The following FECH variants were observed in gnomAD, a reference collection of about 807,000 sequenced individuals.
FECH encodes the protein ferrochelatase.
A neutral mutation model predicts 56.9 loss-of-function variants in FECH; 40 were observed. The observed-to-expected ratio is 0.70, with a 90% CI of 0.55 to 0.92. The LOEUF is 0.92. FECH is among the 40% of genes least tolerant of loss of function. The pLI is 0.00. For synonymous variants in FECH, 175 were observed against 198.6 expected (o/e 0.88, Z 1.00); for missense variants, 431 against 529.1 (o/e 0.81, Z 1.82).
chr18:57,559,349 C>T lies in FECH; in HGVS notation c.706-106G>A, dbSNP rs567024228. ...GCCTACACCAAAAATCTCAGAGCAA[C>T]CCTCAAAAATCCGAACTCTCTTTTT... On this transcript the variant is annotated intron_variant, in intron 6 of 10. Transcript: ENST00000262093. The T allele has an allele frequency of 3.7e-6, 3 of 811,848 alleles. No individual in the cohort carries two copies. The East Asian group carries it at 8.0e-5, about 22-fold the overall frequency. 50.3% of individuals were successfully genotyped at this position (811,848 alleles called of 1,614,324 possible). A position where few individuals can be genotyped will look rare whatever the true frequency, so the allele number is the denominator to read the frequency against.
rs534323349 is a variant in FECH, at chr18:57,565,392, G to A, written c.598+1055C>T. On this transcript the variant is annotated intron_variant, in intron 5 of 10. Coordinates refer to ENST00000262093, the MANE Select transcript of FECH (RefSeq NM_000140.5). Reference sequence around the variant, plus strand: ...AGGCTGAGGTGGGTGGATCATTTGCGGCCAGGATTTTGAGACCAGCCTGGC... The same window carrying A: ...AGGCTGAGGTGGGTGGATCATTTGCAGCCAGGATTTTGAGACCAGCCTGGC... Among the ~76,000 whole-genome samples the A allele has an allele frequency of 1.8e-3, 276 of 152,158 alleles. 2 individuals are homozygous for A. Among genetic ancestry groups the A allele is most frequent in the African/African-American group, 6.3e-3 (260 of 41,512 alleles).
Position 57,563,391 on chromosome 18 carries a change from G to C in FECH, c.599-411C>G, listed in dbSNP as rs193257564. 2.6e-3 allele frequency among the ~76,000 whole-genome samples: 401 copies of C among 152,122 alleles called. 5 individuals carry two copies. Among genetic ancestry groups the C allele is most frequent in the African/African-American group, 8.9e-3 (369 of 41,510 alleles). On this transcript the variant is annotated intron_variant, in intron 5 of 10. Coordinates refer to ENST00000262093, the MANE Select transcript of FECH (RefSeq NM_000140.5). ...GAGGTTGGGAGTTTGACACCAGCCTGACCAACGTGGAGAAACCCTATCTCT... is the reference window on the plus strand; with the variant it reads ...GAGGTTGGGAGTTTGACACCAGCCTCACCAACGTGGAGAAACCCTATCTCT...
chr18:57,551,299 G>C lies in FECH; in HGVS notation c.1137+16C>G. ...TCTGGTATGTTCTACTAAAACGATT[G>C]TAACACTGTAGATACCTTAGAGAAC... On this transcript the variant is annotated intron_variant, in intron 10 of 10. Coordinates refer to ENST00000262093, the MANE Select transcript of FECH (RefSeq NM_000140.5). The C allele has an allele frequency of 6.3e-7, 1 of 1,588,964 alleles. No homozygotes were observed. Among genetic ancestry groups the C allele is most frequent in the Non-Finnish European group, 8.6e-7 (1 of 1,157,386 alleles).
chr18:57,564,940 A>C (rs186184604), intron 5 of FECH, among the ~76,000 whole-genome samples: 64 of 152,340 alleles, frequency 4.2e-4, no homozygotes, highest in African/African-American at 1.3e-3. Context: ...AGTCTAAAAG[A>C]TACAACAGAT....
chr18:57,558,510 C>G (rs935941264), intron 7 of FECH, among the ~76,000 whole-genome samples: 9 of 152,334 alleles, frequency 5.9e-5, no homozygotes, highest in Middle Eastern at 3.4e-3. Context: ...GAGACCCCCC[C>G]ACTCAACACA....
intron 7 of FECH, 81 bp from the exon 8 acceptor site, chr18:57,555,033 T>C (rs2050851319): frequency 9.2e-7 from 1 of 1,090,772 alleles, no homozygotes. Flanking sequence ...TGACACAGTG[T>C]GAGCCCTGGA....
chr18:57,560,198 C>A (rs1045411024), intron 6 of FECH, among the ~76,000 whole-genome samples: 1 of 152,174 alleles, frequency 6.6e-6, no homozygotes, highest in Non-Finnish European at 1.5e-5. Context: ...TTAGAAAACA[C>A]ACTTAAGTGT....
chr18:57,554,264 T>C lies in FECH; in HGVS notation c.1073A>G (p.Lys358Arg), dbSNP rs770671710. 1.2e-6 allele frequency: 2 copies of C among 1,614,226 alleles called. No individual in the cohort carries two copies. The highest frequency in any genetic ancestry group is 4.5e-5 in the East Asian group (2 of 44,892). Reference protein sequence around the residue: ...LDIEYSQVLAKECGVENIRRA... With the variant: ...LDIEYSQVLARECGVENIRRA... ...AAGGCAGATGGGTGCATTTACCTCCTTGGCTAAAACTTGAGAGTACTCGAT... is the reference window on the plus strand; with the variant it reads ...AAGGCAGATGGGTGCATTTACCTCCCTGGCTAAAACTTGAGAGTACTCGAT... Residue 358 changes from lysine to arginine, a missense_variant, in exon 9 of 11, where the codon AAG (lysine) becomes AGG (arginine). Lys to Arg is a conservative substitution (Grantham distance 26). Coordinates refer to ENST00000262093, the MANE Select transcript of FECH (RefSeq NM_000140.5).
Position 57,573,326 on chromosome 18 carries a change from G to A in FECH, c.234C>T (p.Gly78=), listed in dbSNP as rs942335367. The change falls in exon 3 of 11, where the codon GGC becomes GGT. Residue 78 remains glycine, a synonymous_variant. Coordinates refer to ENST00000262093, the MANE Select transcript of FECH (RefSeq NM_000140.5). ...KTGILMLNMG[G]PETLGDVHDF... is the part of the protein sequence containing the mutation. ...CGTGAACATCTCCAAGAGTTTCAGGGCCTCCCATGTTTAGCATTAATATTC... is the reference window on the plus strand; with the variant it reads ...CGTGAACATCTCCAAGAGTTTCAGGACCTCCCATGTTTAGCATTAATATTC... The A allele has an allele frequency of 6.2e-7, 1 of 1,613,958 alleles. No homozygotes were observed. The highest frequency in any genetic ancestry group is 1.7e-5 in the Admixed American group (1 of 60,012).
Position 57,586,577 on chromosome 18 carries a change from G to A in FECH, c.44C>T (p.Ala15Val), listed in dbSNP as rs770127191. The A allele has an allele frequency of 1.2e-5, 18 of 1,522,028 alleles. No individual in the cohort carries two copies. In the South Asian group the frequency reaches 1.7e-4, roughly 14 times the overall value. The allele number at this position is 1,522,028 out of a possible 1,614,324, so 94.3% of individuals were successfully genotyped here. A position where few individuals can be genotyped will look rare whatever the true frequency, so the allele number is the denominator to read the frequency against. The part of the protein sequence containing the change: ...GANMAAALRA[A>V]GVLLRDPLAS... The stretch of plus-strand genomic sequence containing the variant: ...ACGCGGATCGCGGAGCAGGACGCCC[G>A]CGGCGCGCAGGGCCGCAGCCATGTT... Residue 15 changes from alanine (A) to valine (V), a missense_variant, in exon 1 of 11, where the codon GCG (alanine) becomes GTG (valine). Ala to Val is a moderately conservative substitution (Grantham distance 64). Transcript: ENST00000262093.
chr18:57,571,537 C>T lies in FECH; in HGVS notation c.318G>A (p.Lys106=), dbSNP rs558288678. The change falls in exon 4 of 11, where the codon AAG becomes AAA. Residue 106 remains lysine, a synonymous_variant. Coordinates refer to ENST00000262093, the MANE Select transcript of FECH (RefSeq NM_000140.5). ...RDLMTLPIQN[K]LAPFIAKRRT... is the part of the protein sequence containing the mutation. ...GGCGTTTGGCGATGAATGGTGCCAG[C>T]TTACTAAATCATTTAACATACAGGT... 2.6e-5 allele frequency: 42 copies of T among 1,613,984 alleles called. No individual in the cohort carries two copies. In the East Asian group the frequency reaches 7.8e-4, roughly 30 times the overall value.
chr18:57,552,360 A>G (rs2050811006), intron 9 of FECH, among the ~76,000 whole-genome samples: 3 of 151,840 alleles, frequency 2.0e-5, no homozygotes, highest in Admixed American at 6.6e-5. Context: ...TAGCTTTTCA[A>G]TTACTTGATC....
At chr18:57,565,141 A>G (rs1439296687) in intron 5 of FECH, among the ~76,000 whole-genome samples, 1 of 152,236 alleles carries the variant, frequency 6.6e-6, no homozygotes, top group Non-Finnish European at 1.5e-5. Context: ...TCTGTCATGT[A>G]AATAACAATC....
At position 57,546,323 on chromosome 18, in the gene FECH, T is replaced by C. The variant is rs1376817950; in HGVS notation, c.*4389A>G. On this transcript the variant is annotated 3_prime_UTR_variant, in exon 11 of 11. Coordinates refer to ENST00000262093, the MANE Select transcript of FECH (RefSeq NM_000140.5). ...TTTAAATTCTGCCTTCCCGCTGTCG[T>C]TGGGCAAGGTGGTCCTTTGCCGCAT... 6.6e-6 allele frequency among the ~76,000 whole-genome samples: 1 copy of C among 152,194 alleles called. No individual in the cohort carries two copies. Among genetic ancestry groups the C allele is most frequent in the African/African-American group, 2.4e-5 (1 of 41,456 alleles).
At chr18:57,585,883 G>C (rs1347598871) in intron 1 of FECH, 1 of 152,276 alleles carries the variant, frequency 6.6e-6, no homozygotes, top group Admixed American at 6.5e-5. Context: ...GGCGAGGTTA[G>C]GTGCCTTGTT....
At chr18:57,563,613 T>C (rs1336224578) in intron 5 of FECH, among the ~76,000 whole-genome samples, 2 of 132,042 alleles carry the variant, frequency 1.5e-5, no homozygotes, top group Non-Finnish European at 3.3e-5. Context: ...AAGTATGTTA[T>C]TTTTTTTCCA....
At chr18:57,551,993 C>G (rs1295872495) in intron 9 of FECH, among the ~76,000 whole-genome samples, 2 of 151,474 alleles carry the variant, frequency 1.3e-5, no homozygotes, top group East Asian at 1.9e-4. Flanking sequence ...AAGGGATCAT[C>G]CTGCCTCAGC....
intron 1 of FECH, chr18:57,585,754 A>G (rs1437667610): frequency 6.6e-6 from 1 of 152,240 alleles, no homozygotes; most frequent in Non-Finnish European, 1.5e-5. Flanking sequence ...AGCCTTCTGC[A>G]TGAATGGCTA....
chr18:57,561,026 C>T (rs747418973), intron 6 of FECH, among the ~76,000 whole-genome samples: 80 of 152,106 alleles, frequency 5.3e-4, no homozygotes, highest in Non-Finnish European at 7.6e-4. Flanking sequence ...TAGATACAAA[C>T]GAAACCAATA....
Sources: gnomAD v4.1 joint callset for allele counts (sites outside exome capture counted in the v4.1 genomes callset) on GRCh38, gnomAD v4.1.1 for gene constraint, MANE v1.5 for transcripts, NCBI Gene and HGNC (gene_info 2026-07-23, HGNC 2026-07-21) for gene names.